The following DR1 variants were observed in gnomAD, a reference collection of about 807,000 sequenced individuals.
DR1 encodes down-regulator of transcription 1, also known as protein Dr1.
Under a neutral mutation model 19.9 loss-of-function variants are expected in DR1, and 7 were observed. The observed-to-expected ratio is 0.35, with a 90% CI of 0.20 to 0.66. The LOEUF (loss-of-function observed/expected upper bound fraction) is 0.66, where lower values mean the gene tolerates loss of function less well. Among genes scored for constraint, DR1 ranks in the 30% least tolerant of loss-of-function variants. DR1 has a pLI of 0.66. For missense variants in DR1, 98 were observed against 203.7 expected (o/e 0.48, Z 3.16); for synonymous variants, 76 against 72.5 (o/e 1.05, Z -0.24).
chr1:93,366,330 C>G lies in DR1; in HGVS notation c.*5691C>G, dbSNP rs935701745. The G allele has an allele frequency of 6.6e-6, 1 of 152,172 alleles. No homozygotes were observed. The highest frequency in any genetic ancestry group is 1.5e-5 in the Non-Finnish European group (1 of 68,022). The allele number at this position is 152,172 out of a possible 1,614,324, so 9.4% of individuals were successfully genotyped here. On this transcript the variant is annotated 3_prime_UTR_variant, in exon 3 of 3. Coordinates refer to ENST00000370272, the MANE Select transcript of DR1 (RefSeq NM_001938.3). The stretch of plus-strand genomic sequence containing the variant: ...ACACTGGGTTGCTTCTGCTTTTTGG[C>G]TATTGTGAATAATGCTTCTGTGAAC...
Position 93,346,211 on chromosome 1 carries a change from G to C in DR1, c.-435G>C, listed in dbSNP as rs1666833461. 5.2e-6 allele frequency: 1 copy of C among 193,616 alleles called. No individual in the cohort carries two copies. The highest frequency in any genetic ancestry group is 2.4e-5 in the African/African-American group (1 of 41,630). The allele number at this position is 193,616 out of a possible 1,614,324, so 12.0% of individuals were successfully genotyped here. On this transcript the variant is annotated 5_prime_UTR_variant, in exon 1 of 3. Coordinates refer to ENST00000370272, the MANE Select transcript of DR1 (RefSeq NM_001938.3). ...GCGGCGGCAGCGGCAGCGGGGCCTC[G>C]GGCTCTATAGAGCCGAGCCCGCTGG...
At chr1:93,348,031 T>A (rs957537937) in intron 1 of DR1, among the ~76,000 whole-genome samples, 2 of 152,172 alleles carry the variant, frequency 1.3e-5, no homozygotes, top group Admixed American at 6.5e-5. Context: ...AGAACACATC[T>A]GCTTATATTG....
rs1268155394 is a variant in DR1 at position 93,366,248 on chromosome 1, C to A, written c.*5609C>A. ...TTAGAATTTCTTTCCTCTTAAAGGCCAAATATGCCGTAGTATGTAAATACC... is the reference window on the plus strand; with the variant it reads ...TTAGAATTTCTTTCCTCTTAAAGGCAAAATATGCCGTAGTATGTAAATACC... On this transcript the variant is annotated 3_prime_UTR_variant, in exon 3 of 3. Transcript: ENST00000370272. The A allele has an allele frequency of 6.6e-6, 1 of 152,136 alleles. No homozygotes were observed. Among genetic ancestry groups the A allele is most frequent in the East Asian group, 1.9e-4 (1 of 5,198 alleles). The allele number at this position is 152,136 out of a possible 1,614,324, so 9.4% of individuals were successfully genotyped here.
At chr1:93,358,347 C>A (rs775088142) in intron 2 of DR1, among the ~76,000 whole-genome samples, 4 of 152,100 alleles carry the variant, frequency 2.6e-5, no homozygotes, top group Non-Finnish European at 5.9e-5. Context: ...TGGGAGATTG[C>A]ATGGATGGAG....
chr1:93,347,114 T>A (rs1666856149), intron 1 of DR1, among the ~76,000 whole-genome samples: 1 of 152,154 alleles, frequency 6.6e-6, no homozygotes, highest in Non-Finnish European at 1.5e-5. Flanking sequence ...ACGTAAAGAA[T>A]AAGAGTGATC....
rs773320352 is a variant in DR1, at chr1:93,369,127, C to T, written c.*8488C>T. 7.2e-5 allele frequency: 11 copies of T among 152,086 alleles called. No individual in the cohort carries two copies. Among genetic ancestry groups the T allele is most frequent in the South Asian group, 4.1e-4 (2 of 4,820 alleles). 9.4% of individuals were successfully genotyped at this position (152,086 alleles called of 1,614,324 possible). Reference sequence around the variant, plus strand: ...GGGGTATCCTGGAACCAATCCCTGGCGGATACCAAGGGATGACTGTAATAT... The same window carrying T: ...GGGGTATCCTGGAACCAATCCCTGGTGGATACCAAGGGATGACTGTAATAT... On this transcript the variant is annotated 3_prime_UTR_variant, in exon 3 of 3. Transcript: ENST00000370272.
chr1:93,350,677 A>C (rs1343736394), intron 1 of DR1, among the ~76,000 whole-genome samples: 1 of 152,154 alleles, frequency 6.6e-6, no homozygotes, highest in Non-Finnish European at 1.5e-5. Context: ...TGTCTTGTTA[A>C]CATCTGTCTT....
chr1:93,356,277 G>A (rs1339659206), intron 2 of DR1, among the ~76,000 whole-genome samples: 3 of 151,300 alleles, frequency 2.0e-5, no homozygotes, highest in African/African-American at 7.3e-5. Flanking sequence ...TGTTGCCCAG[G>A]CTGGAGCACA....
rs756169054 is a variant in DR1, at chr1:93,353,986, A to G, written c.299A>G (p.Lys100Arg). The G allele has an allele frequency of 6.2e-6, 10 of 1,613,960 alleles. No homozygotes were observed. The Admixed American group carries it at 1.7e-4, about 27-fold the overall frequency. ...CAAGAGTGTAAAACAGTAGCATTAA[A>G]AAGAAGAAAGGCCAGTTCTCGTTTG... is the stretch of plus-strand genomic sequence containing the variant. ...VLQECKTVAL[K>R]RRKASSRLEN... is the part of the protein sequence containing the mutation. The change falls in exon 2 of 3, where the codon AAA (lysine) becomes AGA (arginine). Residue 100 changes from lysine (K) to arginine (R), a missense_variant. Coordinates refer to ENST00000370272, the MANE Select transcript of DR1 (RefSeq NM_001938.3).
intron 2 of DR1, 23 bp from the exon 3 acceptor site, chr1:93,360,470 T>C: frequency 1.3e-6 from 2 of 1,538,366 alleles, no homozygotes; most frequent in South Asian, 2.5e-5. Context: ...ATTGTTATTT[T>C]TTTTTATGTT....
At chr1:93,354,989 A>G (rs1312153812) in intron 2 of DR1, 2 of 152,314 alleles carry the variant, frequency 1.3e-5, no homozygotes, top group East Asian at 3.9e-4. Context: ...TATCATAGGC[A>G]CTAAAGAGGA....
chr1:93,358,719 C>A (rs542503322), intron 2 of DR1, among the ~76,000 whole-genome samples: 1 of 152,300 alleles, frequency 6.6e-6, no homozygotes, highest in South Asian at 2.1e-4. Flanking sequence ...CCTGTAGCTG[C>A]TACTTTCATG....
Position 93,346,831 on chromosome 1 carries a change from A to T in DR1, c.186A>T (p.Glu62Asp). 1 of 1,613,392 alleles carries T rather than the reference A, an allele frequency of 6.2e-7. No homozygotes were observed. Among genetic ancestry groups the T allele is most frequent in the African/African-American group, 1.3e-5 (1 of 75,016 alleles). ...SEANEICNKS[E>D]KKTISPEHVI... ...CCAATGAGATTTGTAACAAATCGGA[A>T]AAGAAGACCATCTCACCAGAGCATG... Residue 62 changes from glutamate to aspartate, a missense_variant, in exon 1 of 3, where the codon GAA (glutamate) becomes GAT (aspartate). Transcript: ENST00000370272.
chr1:93,357,174 C>CT (rs1301455649), intron 2 of DR1, among the ~76,000 whole-genome samples: 1 of 152,144 alleles, frequency 6.6e-6, no homozygotes, highest in Non-Finnish European at 1.5e-5. Context: ...TGGATGGTTT[C>CT]TAATTTCCTA....
rs1557750244 is a variant in DR1, at chr1:93,368,814, AC to A, written c.*8176del. On this transcript the variant is annotated 3_prime_UTR_variant, in exon 3 of 3. Transcript: ENST00000370272. ...CCTTACACATATACTAGTAGCCCTT[AC>A]AAAATTTCGTCTGTCTTTATTATAA... The A allele has an allele frequency of 1.3e-5, 2 of 152,286 alleles. No homozygotes were observed. Among genetic ancestry groups the A allele is most frequent in the African/African-American group, 4.8e-5 (2 of 41,560 alleles). The allele number at this position is 152,286 out of a possible 1,614,324, so 9.4% of individuals were successfully genotyped here.
chr1:93,346,135 G>T lies in DR1; in HGVS notation c.-511G>T. The T allele has an allele frequency of 4.4e-6, 1 of 227,428 alleles. No individual in the cohort carries two copies. The allele number at this position is 227,428 out of a possible 1,614,324, so 14.1% of individuals were successfully genotyped here. ...GGCGGACATGTTGTGAGGCGGCGGC[G>T]CGGGTGTCTGAAGGATGGTTTGGCC... On this transcript the variant is annotated 5_prime_UTR_variant, in exon 1 of 3. Coordinates refer to ENST00000370272, the MANE Select transcript of DR1 (RefSeq NM_001938.3).
At chr1:93,356,522 G>A (rs1192545804) in intron 2 of DR1, among the ~76,000 whole-genome samples, 1 of 152,148 alleles carries the variant, frequency 6.6e-6, no homozygotes, top group Admixed American at 6.5e-5. Flanking sequence ...CTAGTACACA[G>A]CTTTGCAGAC....
chr1:93,366,411 A>G lies in DR1; in HGVS notation c.*5772A>G, dbSNP rs1288929286. On this transcript the variant is annotated 3_prime_UTR_variant, in exon 3 of 3. Transcript: ENST00000370272. The stretch of plus-strand genomic sequence containing the variant: ...ATAGGCTTGTTATTTTTGAGTGCAC[A>G]GATCTGTATATTCGCAATTGAAATA... 1.3e-5 allele frequency: 2 copies of G among 152,222 alleles called. No individual in the cohort carries two copies. Among genetic ancestry groups the G allele is most frequent in the African/African-American group, 2.4e-5 (1 of 41,450 alleles). 9.4% of individuals were successfully genotyped at this position (152,222 alleles called of 1,614,324 possible). A position where few individuals can be genotyped will look rare whatever the true frequency, so the allele number is the denominator to read the frequency against.
intron 1 of DR1, among the ~76,000 whole-genome samples, chr1:93,348,765 C>A (rs1666882868): frequency 6.6e-6 from 1 of 151,752 alleles, no homozygotes; most frequent in African/African-American, 2.4e-5. Flanking sequence ...ACCTTTTTTT[C>A]TTGTATTATG....
Sources: gnomAD v4.1 joint callset for allele counts (sites outside exome capture counted in the v4.1 genomes callset) on GRCh38, gnomAD v4.1.1 for gene constraint, MANE v1.5 for transcripts, NCBI Gene and HGNC (gene_info 2026-07-23, HGNC 2026-07-21) for gene names.